Variants in ABTB3 observed in about 807,000 individuals in gnomAD.
ABTB3 encodes ankyrin repeat and BTB domain containing 3, also known as ankyrin repeat- and BTB/POZ domain-containing protein 3.
At chr12:107,391,688 G>T in the ABTB3 span, among the ~76,000 whole-genome samples, 1 of 152,110 alleles carries the variant, frequency 6.6e-6, no homozygotes, top group South Asian at 2.1e-4. Context: ...CTAGTTTGAC[G>T]GTTTCAACTG....
At chr12:107,333,157 G>A in the ABTB3 span, among the ~76,000 whole-genome samples, 1 of 152,140 alleles carries the variant, frequency 6.6e-6, no homozygotes, top group African/African-American at 2.4e-5. Flanking sequence ...TGTTCTTTGT[G>A]TATAAACAGA....
At chr12:107,618,197 G>C in the ABTB3 span, 1 of 1,614,028 alleles carries the variant, frequency 6.2e-7, no homozygotes, top group African/African-American at 1.3e-5. Context: ...CAGAGAAGGA[G>C]AAGAGTGATA....
chr12:107,520,533 G>A, the ABTB3 span: 2 of 1,614,216 alleles, frequency 1.2e-6, no homozygotes, highest in Non-Finnish European at 1.7e-6. Context: ...GAGACCCACA[G>A]CGGTCAAACA....
At chr12:107,388,903 A>G in the ABTB3 span, among the ~76,000 whole-genome samples, 35 of 152,240 alleles carry the variant, frequency 2.3e-4, no homozygotes, top group Admixed American at 1.4e-3. Context: ...TCTTCCATGG[A>G]TACATTAATT....
the ABTB3 span, among the ~76,000 whole-genome samples, chr12:107,385,872 C>T: frequency 6.6e-6 from 1 of 152,182 alleles, no homozygotes; most frequent in African/African-American, 2.4e-5. Context: ...CCATCCTCAC[C>T]GACATGCCCA....
the ABTB3 span, among the ~76,000 whole-genome samples, chr12:107,460,277 C>T: frequency 6.6e-6 from 1 of 152,230 alleles, no homozygotes; most frequent in African/African-American, 2.4e-5. Context: ...GAGCTGTTTA[C>T]TCACTGGAAG....
chr12:107,514,438 C>T, the ABTB3 span, among the ~76,000 whole-genome samples: 4 of 152,186 alleles, frequency 2.6e-5, no homozygotes, highest in Non-Finnish European at 5.9e-5. Context: ...GGCTTATGTT[C>T]ATTTGCTCTC....
chr12:107,340,145 C>A, the ABTB3 span, among the ~76,000 whole-genome samples: 7 of 151,986 alleles, frequency 4.6e-5, no homozygotes, highest in Admixed American at 1.3e-4. Context: ...AGCATGTTAG[C>A]CATTTACATA....
the ABTB3 span, among the ~76,000 whole-genome samples, chr12:107,352,179 G>C: frequency 3.9e-5 from 6 of 152,134 alleles, no homozygotes; most frequent in African/African-American, 1.2e-4. Context: ...GCAGGTGCAG[G>C]GTGCTGTGGG....
the ABTB3 span, among the ~76,000 whole-genome samples, chr12:107,645,237 G>T: frequency 0.17 from 25,569 of 152,128 alleles, 2,938 homozygotes; most frequent in East Asian, 0.51. Flanking sequence ...AAAGTGCTGG[G>T]ATTACAGGCG....
chr12:107,600,261 G>A, the ABTB3 span, among the ~76,000 whole-genome samples: 7 of 152,196 alleles, frequency 4.6e-5, no homozygotes, highest in African/African-American at 9.7e-5. Flanking sequence ...CAACCGATAC[G>A]CAACCTCGAT....
chr12:107,581,113 G>T, the ABTB3 span: 1 of 1,545,828 alleles, frequency 6.5e-7, no homozygotes, highest in Non-Finnish European at 8.7e-7. Context: ...CTCCGGGGAG[G>T]CCCTAACGCG....
At chr12:107,489,902 A>G in the ABTB3 span, among the ~76,000 whole-genome samples, 1 of 152,128 alleles carries the variant, frequency 6.6e-6, no homozygotes, top group African/African-American at 2.4e-5. Context: ...GATTACAGGC[A>G]TGAGCCACCA....
the ABTB3 span, among the ~76,000 whole-genome samples, chr12:107,358,827 G>A: frequency 6.6e-6 from 1 of 152,066 alleles, no homozygotes; most frequent in African/African-American, 2.4e-5. Flanking sequence ...TCCACCCTCC[G>A]GTGATTCACC....
At chr12:107,341,959 G>A in the ABTB3 span, among the ~76,000 whole-genome samples, 3 of 152,172 alleles carry the variant, frequency 2.0e-5, no homozygotes, top group African/African-American at 7.2e-5. Context: ...CTCCCCAGAA[G>A]CCAAGCAATG....
chr12:107,377,445 G>C, the ABTB3 span, among the ~76,000 whole-genome samples: 2 of 114,700 alleles, frequency 1.7e-5, no homozygotes, highest in African/African-American at 6.6e-5. Context: ...GTGTGTGTGT[G>C]TGTGTCCCAT....
the ABTB3 span, among the ~76,000 whole-genome samples, chr12:107,412,806 T>C: frequency 6.6e-6 from 1 of 151,918 alleles, no homozygotes; most frequent in Non-Finnish European, 1.5e-5. Flanking sequence ...ACCCTACCCA[T>C]CTAGTGTCTG....
At chr12:107,548,186 T>TCTCTCTCTC in the ABTB3 span, among the ~76,000 whole-genome samples, 68,730 of 151,486 alleles carry the variant, frequency 0.45, 16,273 homozygotes, top group East Asian at 0.65. Context: ...CTCTCCTCTC[T>TCTCTCTCTC]CCTGTGTTCT....
At chr12:107,623,769 G>A in the ABTB3 span, among the ~76,000 whole-genome samples, 1 of 152,158 alleles carries the variant, frequency 6.6e-6, no homozygotes, top group African/African-American at 2.4e-5. Flanking sequence ...GGACAGACAT[G>A]TTCTTTATCC....
Sources: gnomAD v4.1 joint callset for allele counts (sites outside exome capture counted in the v4.1 genomes callset) on GRCh38, gnomAD v4.1.1 for gene constraint, MANE v1.5 for transcripts, NCBI Gene and HGNC (gene_info 2026-07-23, HGNC 2026-07-21) for gene names.